LAMB3: variants seen among roughly 807,000 people sequenced by gnomAD.
LAMB3 encodes laminin subunit beta-3.
In LAMB3, 104 loss-of-function variants were observed where a neutral mutation model predicts 140.3. That is an observed-to-expected ratio of 0.74 (90% CI 0.63 to 0.87). The LOEUF (loss-of-function observed/expected upper bound fraction) is 0.87, where lower values mean the gene tolerates loss of function less well. Among genes scored for constraint, LAMB3 ranks in the 40% least tolerant of loss-of-function variants. The pLI, the probability that LAMB3 is intolerant of heterozygous loss-of-function variation, is 0.00. For synonymous variants in LAMB3, 592 were observed against 602.9 expected (o/e 0.98, Z 0.26); for missense variants, 1,531 against 1,575.2 (o/e 0.97, Z 0.47).
chr1:209,649,848 G>A (rs534909507), intron 3 of LAMB3, 116 bp downstream of exon 3: 54 of 1,165,076 alleles, frequency 4.6e-5, no homozygotes, highest in African/African-American at 2.0e-4. Flanking sequence ...TCCCCAGTCC[G>A]TGTAGTACAC....
At chr1:209,649,224 G>A (rs931833710) in intron 3 of LAMB3, among the ~76,000 whole-genome samples, 4 of 152,146 alleles carry the variant, frequency 2.6e-5, no homozygotes, top group Admixed American at 2.6e-4. Flanking sequence ...ACAGCAACTC[G>A]GGACAAATCA....
chr1:209,646,122 GATAA>G (rs2076515683), intron 3 of LAMB3, among the ~76,000 whole-genome samples: 1 of 152,236 alleles, frequency 6.6e-6, no homozygotes, highest in Non-Finnish European at 1.5e-5. Context: ...GGGAATGGGG[GATAA>G]ATAAAGCATT....
At chr1:209,644,684 T>A (rs1465169282) in intron 3 of LAMB3, among the ~76,000 whole-genome samples, 3 of 152,120 alleles carry the variant, frequency 2.0e-5, no homozygotes, top group Admixed American at 6.5e-5. Flanking sequence ...ACTGAAAATT[T>A]CAGAGTTGGT....
chr1:209,624,813 CA>C (rs1414402779), intron 14 of LAMB3, among the ~76,000 whole-genome samples: 3 of 151,604 alleles, frequency 2.0e-5, no homozygotes, highest in Admixed American at 2.0e-4. Flanking sequence ...TCAATATCCC[CA>C]ATGCCTGTAC....
intron 8 of LAMB3, among the ~76,000 whole-genome samples, chr1:209,631,568 A>G (rs1414541468): frequency 6.6e-6 from 1 of 152,156 alleles, no homozygotes; most frequent in Non-Finnish European, 1.5e-5. Flanking sequence ...TCCAGACCCA[A>G]TTCACTCTGA....
rs1320887591 is a variant in LAMB3 at position 209,642,360 on chromosome 1, G to A, written c.184-3712C>T. Among the ~76,000 whole-genome samples the A allele has an allele frequency of 3.9e-5, 6 of 152,154 alleles. No homozygotes were observed. In the East Asian group the frequency reaches 1.2e-3, roughly 29 times the overall value. On this transcript the variant is annotated intron_variant, in intron 3 of 22. Coordinates refer to ENST00000356082, the MANE Select transcript of LAMB3 (RefSeq NM_000228.3). Reference sequence around the variant, plus strand: ...GAAATTGCTGATATTCACCCATTTTGACCTACAAAAATGGCAACTGCATAC... The same window carrying A: ...GAAATTGCTGATATTCACCCATTTTAACCTACAAAAATGGCAACTGCATAC...
Position 209,623,143 on chromosome 1 carries a change from T to C in LAMB3, c.2395A>G (p.Ile799Val), listed in dbSNP as rs1264554053. The C allele has an allele frequency of 5.0e-6, 8 of 1,614,020 alleles. No individual in the cohort carries two copies. Among genetic ancestry groups the C allele is most frequent in the Admixed American group, 3.3e-5 (2 of 60,000 alleles). Residue 799 changes from isoleucine to valine, a missense_variant, in exon 17 of 23, where the codon ATA (isoleucine) becomes GTA (valine). Coordinates refer to ENST00000356082, the MANE Select transcript of LAMB3 (RefSeq NM_000228.3). The surrounding 1 kb of genome is among the most constrained non-coding windows in gnomAD (Gnocchi z 4.2). ...GGACATAGCTCACCAGGGCATGATA[T>C]TGGGGTGCAAGCCATCTGCCTGGAG... ...GNSRQMACTP[I>V]SCPGELCPQD...
rs753174535 is a variant in LAMB3 at position 209,617,932 on chromosome 1, C to T, written c.3026G>A (p.Arg1009Gln). 1.6e-5 allele frequency: 26 copies of T among 1,614,182 alleles called. No homozygotes were observed. The highest frequency in any genetic ancestry group is 3.3e-5 in the Admixed American group (2 of 60,024). The change falls in exon 20 of 23, where the codon CGG becomes CAG. Residue 1009 changes from arginine (R) to glutamine (Q), a missense_variant. Transcript: ENST00000356082. ...CTCAGCAACCCTGTCCTGGATAAGC[C>T]GAAGGGAGCGGCTGGTGCCTTGCAT... ...DTMQGTSRSL[R>Q]LIQDRVAEVQ...
At chr1:209,624,045 T>C in intron 14 of LAMB3, 45 bp from the exon 15 acceptor site, 1 of 1,579,700 alleles carries the variant, frequency 6.3e-7, no homozygotes, top group Non-Finnish European at 8.6e-7. Context: ...GAGGGAGTTT[T>C]GCCTCCCCAA....
chr1:209,616,113 T>C (rs1005358982), intron 22 of LAMB3, among the ~76,000 whole-genome samples: 4 of 152,148 alleles, frequency 2.6e-5, no homozygotes, highest in African/African-American at 9.7e-5. Context: ...AAATTATTTA[T>C]TCCCTGAACC....
chr1:209,631,036 G>T (rs1417115455), intron 8 of LAMB3, among the ~76,000 whole-genome samples: 1 of 152,214 alleles, frequency 6.6e-6, no homozygotes, highest in Admixed American at 6.5e-5. Context: ...CCAGTCAGAG[G>T]CAGCGCTTGG....
At chr1:209,627,977 G>A in intron 11 of LAMB3, 58 bp downstream of exon 11, 1 of 1,544,246 alleles carries the variant, frequency 6.5e-7, no homozygotes, top group Non-Finnish European at 8.8e-7. Context: ...GCAAGCCGTG[G>A]GTCTGGTGGC....
intron 3 of LAMB3, among the ~76,000 whole-genome samples, chr1:209,647,390 T>G (rs1356002369): frequency 6.6e-6 from 1 of 152,218 alleles, no homozygotes; most frequent in African/African-American, 2.4e-5. Flanking sequence ...CCTCTGTTAG[T>G]CGGCTGGAAC....
At chr1:209,635,782 G>A (rs914192424) in intron 5 of LAMB3, among the ~76,000 whole-genome samples, 1 of 152,152 alleles carries the variant, frequency 6.6e-6, no homozygotes, top group African/African-American at 2.4e-5. Context: ...AACATAAAAT[G>A]GGCCTTGTCA....
intron 3 of LAMB3, among the ~76,000 whole-genome samples, chr1:209,644,091 T>C (rs2076494828): frequency 2.6e-5 from 4 of 152,168 alleles, no homozygotes; most frequent in Non-Finnish European, 5.9e-5. Context: ...TTGAGGCCTA[T>C]GGTCAGTCAG....
intron 5 of LAMB3, among the ~76,000 whole-genome samples, chr1:209,634,917 TTCTCTCTCTCTCTCTCTC>T (rs59855467): frequency 2.2e-5 from 3 of 136,142 alleles, no homozygotes; most frequent in African/African-American, 2.9e-5. Context: ...CCATTTTTTA[TTCTCTCTCTCTCTCTCTC>T]TCTCTCTCTC....
At chr1:209,638,503 G>C in intron 4 of LAMB3, 31 bp downstream of exon 4, 1 of 1,416,974 alleles carries the variant, frequency 7.1e-7, no homozygotes, top group South Asian at 1.1e-5. Context: ...AGGCTGTACA[G>C]TTTGAGTTCC....
At position 209,625,954 on chromosome 1, in the gene LAMB3, G is replaced by A. The variant is rs746700898; in HGVS notation, c.1670C>T (p.Pro557Leu). ...DKASGRCLCR[P>L]GLTGPRCDQC... ...GTCACAGCGGGGCCCGGTCAAGCCA[G>A]GGCGGCAGAGGCAGCGGCCTGATGC... Residue 557 changes from proline (P) to leucine (L), a missense_variant, in exon 14 of 23, where the codon CCT (proline) becomes CTT (leucine). Physicochemically the swap from Pro to Leu is moderately conservative, Grantham distance 98. Transcript: ENST00000356082. 2.0e-5 allele frequency: 33 copies of A among 1,613,734 alleles called. No homozygotes were observed. Among genetic ancestry groups the A allele is most frequent in the Non-Finnish European group, 2.5e-5 (29 of 1,179,894 alleles).
chr1:209,651,850 G>A (rs2076568799), intron 1 of LAMB3, among the ~76,000 whole-genome samples: 1 of 150,706 alleles, frequency 6.6e-6, no homozygotes, highest in Non-Finnish European at 1.5e-5. Context: ...GGCTGGGGTG[G>A]AGGGCTGGGG....
Sources: gnomAD v4.1 joint callset for allele counts (sites outside exome capture counted in the v4.1 genomes callset) on GRCh38, gnomAD v4.1.1 for gene constraint, Gnocchi (gnomAD v3.1) non-coding constraint, MANE v1.5 for transcripts, NCBI Gene and HGNC (gene_info 2026-07-23, HGNC 2026-07-21) for gene names.